Variants in ACTN1 observed in about 807,000 individuals in gnomAD.
The protein encoded by ACTN1 is actinin alpha 1.
Under a neutral mutation model 119.6 loss-of-function variants are expected in ACTN1, and 30 were observed. The ratio of observed to expected loss-of-function variants is 0.25; its 90% CI spans 0.19 to 0.34. The LOEUF (loss-of-function observed/expected upper bound fraction) is 0.34, where lower values mean the gene tolerates loss of function less well. ACTN1 is among the 10% of genes least tolerant of loss of function. ACTN1 has a pLI of 1.00. For missense variants in ACTN1, 764 were observed against 1,223.4 expected (o/e 0.62, Z 5.60); for synonymous variants, 429 against 472.6 (o/e 0.91, Z 1.20).
chr14:68,899,005 C>T (rs978568607), intron 8 of ACTN1, among the ~76,000 whole-genome samples: 3 of 147,418 alleles, frequency 2.0e-5, no homozygotes, highest in Admixed American at 1.3e-4. Flanking sequence ...ACACACCCTA[C>T]ACCTCACACC....
At chr14:68,971,974 A>ACCCT (rs1312753857) in intron 1 of ACTN1, among the ~76,000 whole-genome samples, 3 of 151,898 alleles carry the variant, frequency 2.0e-5, no homozygotes, top group African/African-American at 7.3e-5. Flanking sequence ...TTTGGGGGGC[A>ACCCT]CCCTGGCCCT....
At position 68,884,792 on chromosome 14, in the gene ACTN1, G is replaced by A; in HGVS notation, c.1477C>T (p.Arg493Ter). 1.2e-6 allele frequency: 2 copies of A among 1,613,860 alleles called. No homozygotes were observed. The highest frequency in any genetic ancestry group is 1.7e-6 in the Non-Finnish European group (2 of 1,179,704). Residue 493 changes from arginine (R) to a stop codon, truncating the protein, a stop_gained, in exon 13 of 22, where the codon CGA becomes TGA. Coordinates refer to ENST00000394419, the MANE Select transcript of ACTN1 (RefSeq NM_001130004.2). LOFTEE classifies it high-confidence loss of function. Reference protein sequence around the residue: ...WDNLGALTQKRREALERTEKL... With the variant: ...WDNLGALTQK Reference sequence around the variant, plus strand: ...CCTCTCACCTCCAGAGCTTCCCTTCGCTTCTGAGTTAGGGCCCCCAGATTG... The same window carrying A: ...CCTCTCACCTCCAGAGCTTCCCTTCACTTCTGAGTTAGGGCCCCCAGATTG...
At chr14:68,876,963 C>T in intron 21 of ACTN1, 119 bp downstream of exon 21, 1 of 1,275,266 alleles carries the variant, frequency 7.8e-7, no homozygotes, top group Admixed American at 2.4e-5. Context: ...CAAGGAGAGG[C>T]CAAAGGACCC....
chr14:68,883,439 T>C (rs1379528701), intron 14 of ACTN1: 4 of 191,876 alleles, frequency 2.1e-5, no homozygotes, highest in Non-Finnish European at 4.4e-5. Context: ...AAGCTGCTAA[T>C]TGATGTGAAA....
At chr14:68,930,503 G>C (rs1160777338) in intron 1 of ACTN1, among the ~76,000 whole-genome samples, 7 of 152,146 alleles carry the variant, frequency 4.6e-5, no homozygotes, top group Non-Finnish European at 2.9e-5. Flanking sequence ...TTACAATCAA[G>C]CATCCTTCAT....
chr14:68,892,351 C>T, intron 9 of ACTN1, 68 bp from the exon 10 acceptor site: 1 of 1,511,388 alleles, frequency 6.6e-7, no homozygotes, highest in Non-Finnish European at 9.0e-7. Context: ...GGCCAGCCTC[C>T]CTTTCCTCCC....
intron 1 of ACTN1, among the ~76,000 whole-genome samples, chr14:68,952,693 A>C (rs1594865584): frequency 7.2e-6 from 1 of 138,452 alleles, no homozygotes. Context: ...ACTTTCCCCC[A>C]CCCCCTACCT....
At chr14:68,930,820 A>G (rs1178302688) in intron 1 of ACTN1, among the ~76,000 whole-genome samples, 1 of 152,238 alleles carries the variant, frequency 6.6e-6, no homozygotes, top group African/African-American at 2.4e-5. Context: ...TAGCAACTGC[A>G]ATAATTATCT....
intron 3 of ACTN1, among the ~76,000 whole-genome samples, chr14:68,914,375 A>G (rs2034173653): frequency 6.6e-6 from 1 of 152,258 alleles, no homozygotes; most frequent in Non-Finnish European, 1.5e-5. Context: ...AAATCATAAA[A>G]CATGAAATAC....
intron 1 of ACTN1, among the ~76,000 whole-genome samples, chr14:68,968,719 C>A (rs1174001660): frequency 6.6e-6 from 1 of 152,256 alleles, no homozygotes; most frequent in Non-Finnish European, 1.5e-5. Flanking sequence ...CTTGCTGTAA[C>A]CACCTGAACC....
rs569564357 is a variant in ACTN1 at position 68,919,675 on chromosome 14, G to A, written c.340+1331C>T. Among the ~76,000 whole-genome samples, 5 of 152,256 alleles carry A rather than the reference G, an allele frequency of 3.3e-5. No individual in the cohort carries two copies. In the South Asian group the frequency reaches 1.0e-3, roughly 32 times the overall value. ...TGCTGGAATCCATAAGGCACCTTGC[G>A]TGACCACCTTGGGCACTGGCCTGAA... is the stretch of plus-strand genomic sequence containing the variant. On this transcript the variant is annotated intron_variant, in intron 3 of 21. Coordinates refer to ENST00000394419, the MANE Select transcript of ACTN1 (RefSeq NM_001130004.2).
At chr14:68,896,073 G>A (rs1482438852) in intron 8 of ACTN1, among the ~76,000 whole-genome samples, 1 of 152,166 alleles carries the variant, frequency 6.6e-6, no homozygotes, top group East Asian at 1.9e-4. Context: ...TAACACACAA[G>A]TACCACGGGA....
Position 68,909,941 on chromosome 14 carries a change from A to C in ACTN1, c.515+14T>G, listed in dbSNP as rs743128. ...GCCTGGTTCTGTGAGAGCCCCTCAG[A>C]CCCCAGCACTCACCTTATGTGGAAG... On this transcript the variant is annotated intron_variant, in intron 5 of 21. Transcript: ENST00000394419. This position sits in a 1 kb window ranked among gnomAD's most constrained non-coding sequence, Gnocchi z 4.1. 0.71 allele frequency: 1,139,098 copies of C among 1,610,924 alleles called. 410,989 individuals are homozygous for C. The highest frequency in any genetic ancestry group is 1 in the East Asian group (44,813 of 44,852).
chr14:68,917,659 T>C (rs1237956930), intron 3 of ACTN1, among the ~76,000 whole-genome samples: 1 of 152,266 alleles, frequency 6.6e-6, no homozygotes, highest in Non-Finnish European at 1.5e-5. Context: ...GCGGCCATTG[T>C]GGCATAATCT....
intron 3 of ACTN1, 66 bp from the exon 4 acceptor site, chr14:68,912,308 G>A (rs1421030591): frequency 8.3e-7 from 1 of 1,198,404 alleles, no homozygotes; most frequent in African/African-American, 1.5e-5. Context: ...CACTCCCTCA[G>A]CACCCACAGC....
In ACTN1 at chr14:68,933,976, T is replaced by C. The variant is rs556868507; in HGVS notation, c.106-8304A>G. On this transcript the variant is annotated intron_variant, in intron 1 of 21. Coordinates refer to ENST00000394419, the MANE Select transcript of ACTN1 (RefSeq NM_001130004.2). ...TGGGGTGACAGAGTGAGACCCTGTC[T>C]CAAGAAAAAAAAAAAAAAAAATCTA... 1.4e-3 allele frequency among the ~76,000 whole-genome samples: 174 copies of C among 121,870 alleles called. 2 individuals carry two copies. The highest frequency in any genetic ancestry group is 0.012 in the Middle Eastern group (3 of 258). 80.0% of individuals were successfully genotyped at this position (121,870 alleles called of 152,430 possible). A position where few individuals can be genotyped will look rare whatever the true frequency, so the allele number is the denominator to read the frequency against.
At chr14:68,916,723 C>T (rs1348292845) in intron 3 of ACTN1, among the ~76,000 whole-genome samples, 1 of 151,630 alleles carries the variant, frequency 6.6e-6, no homozygotes, top group Non-Finnish European at 1.5e-5. Context: ...AAGGCCACAA[C>T]TGGGCTTTGT....
intron 1 of ACTN1, among the ~76,000 whole-genome samples, chr14:68,944,744 T>A (rs1361588930): frequency 4.0e-5 from 6 of 151,882 alleles, no homozygotes; most frequent in African/African-American, 1.5e-4. Context: ...AGATGAAAAG[T>A]TCGTAAATGT....
At chr14:68,949,343 T>C (rs1474077459) in intron 1 of ACTN1, among the ~76,000 whole-genome samples, 1 of 152,200 alleles carries the variant, frequency 6.6e-6, no homozygotes, top group Non-Finnish European at 1.5e-5. Context: ...GGTGGGGACC[T>C]GGCCCAAAAA....
Sources: gnomAD v4.1 joint callset for allele counts (sites outside exome capture counted in the v4.1 genomes callset) on GRCh38, gnomAD v4.1.1 for gene constraint, Gnocchi (gnomAD v3.1) non-coding constraint, MANE v1.5 for transcripts, NCBI Gene and HGNC (gene_info 2026-07-23, HGNC 2026-07-21) for gene names.